The following CSGALNACT1 variants were observed in gnomAD, a reference collection of about 807,000 sequenced individuals.
CSGALNACT1 encodes chondroitin sulfate N-acetylgalactosaminyltransferase 1.
Under a neutral mutation model 51.0 loss-of-function variants are expected in CSGALNACT1, and 52 were observed. The observed-to-expected ratio is 1.02, with a 90% CI of 0.82 to 1.29. The LOEUF is 1.29. Ranked by LOEUF, CSGALNACT1 falls within the 50% of genes most tolerant of loss-of-function variation. The probability of loss-of-function intolerance (pLI) is 0.00; values close to 1 mark genes in which losing one functional copy is unlikely to be tolerated. For missense variants in CSGALNACT1, 935 were observed against 679.2 expected, an observed-to-expected ratio of 1.38 and a Z score of -4.19; for synonymous variants, 341 against 254.4, an observed-to-expected ratio of 1.34 and a Z score of -3.24.
At chr8:19,630,665 T>G (rs960276410) in intron 1 of CSGALNACT1, among the ~76,000 whole-genome samples, 6 of 152,214 alleles carry the variant, frequency 3.9e-5, no homozygotes, top group Admixed American at 3.3e-4. Flanking sequence ...CCAAAACCAC[T>G]GATCATTTTG....
At chr8:19,737,141 G>C (rs978779014) in intron 1 of CSGALNACT1, among the ~76,000 whole-genome samples, 1 of 152,074 alleles carries the variant, frequency 6.6e-6, no homozygotes, top group Non-Finnish European at 1.5e-5. Flanking sequence ...TACACCTAAT[G>C]AAACTATCTT....
intron 1 of CSGALNACT1, among the ~76,000 whole-genome samples, chr8:19,672,056 G>C (rs1015394226): frequency 2.6e-5 from 4 of 152,078 alleles, no homozygotes; most frequent in African/African-American, 9.7e-5. Flanking sequence ...ATAGAATTTG[G>C]TACAAATAGT....
chr8:19,618,716 C>A (rs935092449), intron 1 of CSGALNACT1, among the ~76,000 whole-genome samples: 1 of 151,370 alleles, frequency 6.6e-6, no homozygotes, highest in Non-Finnish European at 1.5e-5. Context: ...ATCATGGCAC[C>A]CAGCTTCTCC....
At chr8:19,515,795 G>T (rs1019140028) in intron 3 of CSGALNACT1, among the ~76,000 whole-genome samples, 3 of 152,104 alleles carry the variant, frequency 2.0e-5, no homozygotes, top group Non-Finnish European at 2.9e-5. Flanking sequence ...TCCTGTCTAT[G>T]CCAGACCGTC....
chr8:19,543,512 G>A (rs1050431256), intron 3 of CSGALNACT1, among the ~76,000 whole-genome samples: 1 of 152,266 alleles, frequency 6.6e-6, no homozygotes, highest in South Asian at 2.1e-4. Flanking sequence ...TTCTTTCTGA[G>A]AGCCTGGTAT....
intron 4 of CSGALNACT1, among the ~76,000 whole-genome samples, chr8:19,496,146 T>A (rs191288421): frequency 6.6e-6 from 1 of 152,222 alleles, no homozygotes; most frequent in African/African-American, 2.4e-5. Flanking sequence ...TAAGATAATA[T>A]GGCATTTGGG....
chr8:19,669,045 A>G (rs2059592477), intron 1 of CSGALNACT1, among the ~76,000 whole-genome samples: 1 of 152,154 alleles, frequency 6.6e-6, no homozygotes, highest in Non-Finnish European at 1.5e-5. Context: ...GCTCTCAAAC[A>G]AATTCTGTGT....
intron 1 of CSGALNACT1, among the ~76,000 whole-genome samples, chr8:19,717,403 G>A (rs1429644036): frequency 3.9e-5 from 6 of 152,112 alleles, no homozygotes; most frequent in Admixed American, 6.5e-5. Context: ...ACATAACATA[G>A]CCACACCAAA....
chr8:19,676,408 C>A (rs1201342008), intron 1 of CSGALNACT1, among the ~76,000 whole-genome samples: 2 of 152,164 alleles, frequency 1.3e-5, no homozygotes, highest in African/African-American at 4.8e-5. Flanking sequence ...AATTATAGAA[C>A]TGAAAACCAG....
chr8:19,455,276 C>T (rs2063878253), intron 5 of CSGALNACT1, among the ~76,000 whole-genome samples: 1 of 152,184 alleles, frequency 6.6e-6, no homozygotes, highest in Middle Eastern at 3.4e-3. Context: ...AAATATAAAA[C>T]ATATGGTAGC....
intron 1 of CSGALNACT1, among the ~76,000 whole-genome samples, chr8:19,741,795 T>C (rs1252798130): frequency 6.6e-6 from 1 of 152,176 alleles, no homozygotes; most frequent in Non-Finnish European, 1.5e-5. Context: ...TGGATTTTAT[T>C]CTTGTTATTA....
intron 3 of CSGALNACT1, among the ~76,000 whole-genome samples, chr8:19,507,839 G>C (rs1365602529): frequency 1.3e-5 from 2 of 152,304 alleles, no homozygotes; most frequent in African/African-American, 4.8e-5. Context: ...ATGTTGGCCA[G>C]GATGGTCTCT....
chr8:19,611,118 T>C (rs1227572425), intron 1 of CSGALNACT1, among the ~76,000 whole-genome samples: 1 of 152,158 alleles, frequency 6.6e-6, no homozygotes, highest in Non-Finnish European at 1.5e-5. Context: ...TTGTGAGTAA[T>C]TAAGACACCT....
chr8:19,417,704 C>A (rs914462369), intron 8 of CSGALNACT1, among the ~76,000 whole-genome samples: 1 of 152,188 alleles, frequency 6.6e-6, no homozygotes, highest in Non-Finnish European at 1.5e-5. Flanking sequence ...AACAGACGTC[C>A]CTCAGATGGG....
At chr8:19,436,758 A>C (rs2060447942) in intron 6 of CSGALNACT1, among the ~76,000 whole-genome samples, 1 of 152,058 alleles carries the variant, frequency 6.6e-6, no homozygotes. Flanking sequence ...ACTATATATA[A>C]AAATTAGCCG....
chr8:19,560,809 T>C (rs997197031), intron 3 of CSGALNACT1, among the ~76,000 whole-genome samples: 2 of 152,180 alleles, frequency 1.3e-5, no homozygotes, highest in African/African-American at 2.4e-5. Flanking sequence ...TCTGGGTTGA[T>C]AGAGAAAGGC....
intron 8 of CSGALNACT1, among the ~76,000 whole-genome samples, chr8:19,416,364 C>T (rs1200092017): frequency 2.6e-5 from 4 of 152,096 alleles, no homozygotes; most frequent in African/African-American, 7.2e-5. Context: ...TCACCTGCTT[C>T]GGCCTCCCAA....
At position 19,666,831 on chromosome 8, in the gene CSGALNACT1, G is replaced by GAGAGAGAA. The variant is rs1554794476; in HGVS notation, c.-544+15641_-544+15642insTTCTCTCT. 3.1e-3 allele frequency among the ~76,000 whole-genome samples: 78 copies of GAGAGAGAA among 24,906 alleles called. 1 individual carries two copies. The highest frequency in any genetic ancestry group is 9.2e-3 in the East Asian group (12 of 1,306). 16.3% of individuals were successfully genotyped at this position (24,906 alleles called of 152,430 possible). On this transcript the variant is annotated intron_variant, in intron 1 of 9. Transcript: ENST00000332246. ...AGAAAGAGAGAGAGAGAGAGAGAGAGAGAAAGAAAGAAAGAAAGAAAGAAA... is the reference window on the plus strand; with the variant it reads ...AGAAAGAGAGAGAGAGAGAGAGAGAGAGAGAGAAAGAAAGAAAGAAAGAAAGAAAGAAA...
chr8:19,664,892 G>C lies in CSGALNACT1; in HGVS notation c.-544+17581C>G, dbSNP rs2059062439. Among the ~76,000 whole-genome samples, 8 of 152,324 alleles carry C rather than the reference G, an allele frequency of 5.3e-5. No homozygotes were observed. The South Asian group carries it at 1.2e-3, about 24-fold the overall frequency. On this transcript the variant is annotated intron_variant, in intron 1 of 9. Transcript: ENST00000332246. ...TAGACATTGGAGATTACTAATGGGA[G>C]GATGGGGGGTGAGAGACAACAAATT...
Sources: allele counts gnomAD v4.1 joint callset (sites outside exome capture counted in the v4.1 genomes callset), GRCh38; gene constraint gnomAD v4.1.1; transcripts MANE v1.5; gene names NCBI Gene and HGNC (gene_info 2026-07-23, HGNC 2026-07-21).